SLC25A48: variants seen among roughly 807,000 people sequenced by gnomAD.
SLC25A48 encodes CTC-321K16.1.
In SLC25A48, 29 loss-of-function variants were observed where a neutral mutation model predicts 32.2. That is an observed-to-expected ratio of 0.90 (90% confidence interval 0.67 to 1.23). The LOEUF (loss-of-function observed/expected upper bound fraction) is 1.23. Among genes scored for constraint, SLC25A48 ranks in the 50% most tolerant of loss-of-function variants. SLC25A48 has a pLI of 0.00. For missense variants in SLC25A48, 399 were observed against 422.7 expected (o/e 0.94, Z 0.49); for synonymous variants, 164 against 172.3 (o/e 0.95, Z 0.38).
chr5:135,789,639 G>C (rs1009686732), intron 3 of SLC25A48, among the ~76,000 whole-genome samples: 1 of 151,044 alleles, frequency 6.6e-6, no homozygotes, highest in African/African-American at 2.4e-5. Context: ...GGGGTGTACA[G>C]CCTTTTGCGA....
chr5:135,870,741 A>T (rs1316848859), intron 4 of SLC25A48, among the ~76,000 whole-genome samples: 2 of 152,192 alleles, frequency 1.3e-5, no homozygotes, highest in East Asian at 1.9e-4. Flanking sequence ...ACAATGTTCA[A>T]ATCACCATGC....
intron 4 of SLC25A48, 86 bp downstream of exon 4, chr5:135,852,907 C>T (rs1760016676): frequency 2.0e-6 from 3 of 1,483,232 alleles, no homozygotes; most frequent in Admixed American, 4.8e-5. Context: ...TTGTTAAAAT[C>T]CTTTTATTGA....
At chr5:135,662,682 A>T (rs1490178474) in intron 3 of SLC25A48, among the ~76,000 whole-genome samples, 1 of 116,156 alleles carries the variant, frequency 8.6e-6, no homozygotes, top group Non-Finnish European at 1.9e-5. Flanking sequence ...GCCGTCTTGC[A>T]GCTTTTGACC....
intron 3 of SLC25A48, among the ~76,000 whole-genome samples, chr5:135,782,450 G>A (rs73789162): frequency 0.014 from 1,676 of 116,904 alleles, 253 homozygotes; most frequent in African/African-American, 0.041. Flanking sequence ...TCAGATATCC[G>A]AGCAGGGGGA....
intron 3 of SLC25A48, among the ~76,000 whole-genome samples, chr5:135,744,380 T>C (rs956159439): frequency 6.6e-6 from 1 of 151,958 alleles, no homozygotes; most frequent in Non-Finnish European, 1.5e-5. Context: ...AGACAGGGTC[T>C]CACTCTGTCA....
At chr5:135,698,114 G>T (rs189587323) in intron 3 of SLC25A48, among the ~76,000 whole-genome samples, 200 of 152,324 alleles carry the variant, frequency 1.3e-3, no homozygotes, top group Non-Finnish European at 1.9e-3. Context: ...CTACCAAGTT[G>T]TCAGTGCAGG....
chr5:135,618,506 ATTG>A (rs1398848964), intron 1 of SLC25A48, among the ~76,000 whole-genome samples: 3 of 151,754 alleles, frequency 2.0e-5, no homozygotes, highest in African/African-American at 7.3e-5. Context: ...TTTCTCTCTT[ATTG>A]TTTATCATTG....
At chr5:135,673,665 C>G (rs1753704730) in intron 3 of SLC25A48, among the ~76,000 whole-genome samples, 1 of 151,924 alleles carries the variant, frequency 6.6e-6, no homozygotes, top group African/African-American at 2.4e-5. Flanking sequence ...TGTGGCATGC[C>G]TTTATATTTC....
intron 3 of SLC25A48, among the ~76,000 whole-genome samples, chr5:135,775,844 C>T (rs111925067): frequency 0.014 from 2,058 of 151,604 alleles, 23 homozygotes; most frequent in South Asian, 0.048. Flanking sequence ...GGGGGTTGTA[C>T]GCCCCTTTTG....
intron 3 of SLC25A48, among the ~76,000 whole-genome samples, chr5:135,729,190 G>A (rs1755168823): frequency 6.6e-6 from 1 of 152,032 alleles, no homozygotes; most frequent in African/African-American, 2.4e-5. Context: ...TTGTCACTTA[G>A]GCCCTCTCCA....
intron 4 of SLC25A48, among the ~76,000 whole-genome samples, chr5:135,870,613 A>G (rs186228141): frequency 4.9e-4 from 74 of 152,306 alleles, no homozygotes; most frequent in Non-Finnish European, 8.8e-5. Context: ...TGTTTAGGGC[A>G]CAGCCTGGCC....
At chr5:135,772,914 C>A (rs1756451524) in intron 3 of SLC25A48, among the ~76,000 whole-genome samples, 1 of 148,360 alleles carries the variant, frequency 6.7e-6, no homozygotes, top group Non-Finnish European at 1.5e-5. Context: ...TTTGTAATAT[C>A]CAGAAAAGGA....
intron 1 of SLC25A48, among the ~76,000 whole-genome samples, chr5:135,597,484 C>T (rs1004235299): frequency 3.3e-5 from 5 of 152,234 alleles, no homozygotes; most frequent in African/African-American, 1.2e-4. Flanking sequence ...CAAAACTGCA[C>T]TTGCTCTTGC....
intron 3 of SLC25A48, among the ~76,000 whole-genome samples, chr5:135,766,858 G>A (rs960594512): frequency 6.6e-6 from 1 of 151,816 alleles, no homozygotes; most frequent in Non-Finnish European, 1.5e-5. Flanking sequence ...AATATCCAAG[G>A]AAGGAGAGGG....
At chr5:135,583,640 C>T (rs1050834708) in intron 1 of SLC25A48, among the ~76,000 whole-genome samples, 10 of 151,816 alleles carry the variant, frequency 6.6e-5, no homozygotes, top group African/African-American at 2.4e-4. Context: ...TTAATGTTAG[C>T]CAGCCTCCTG....
intron 3 of SLC25A48, among the ~76,000 whole-genome samples, chr5:135,787,418 T>G (rs961377367): frequency 1.3e-5 from 2 of 152,062 alleles, no homozygotes; most frequent in Non-Finnish European, 2.9e-5. Flanking sequence ...AGGGGGATAT[T>G]ACACCTAATA....
chr5:135,635,122 C>G (rs926971642), intron 3 of SLC25A48, among the ~76,000 whole-genome samples: 1 of 152,212 alleles, frequency 6.6e-6, no homozygotes, highest in African/African-American at 2.4e-5. Context: ...TGTCCTCTGT[C>G]TGCAGGAAAA....
intron 3 of SLC25A48, among the ~76,000 whole-genome samples, chr5:135,675,988 T>C (rs1392081577): frequency 6.6e-6 from 1 of 152,030 alleles, no homozygotes; most frequent in Non-Finnish European, 1.5e-5. Flanking sequence ...ATTGCCTTAT[T>C]GATTTCTTTC....
intron 3 of SLC25A48, among the ~76,000 whole-genome samples, chr5:135,707,518 G>A (rs536833373): frequency 2.0e-5 from 3 of 151,928 alleles, no homozygotes; most frequent in East Asian, 1.9e-4. Context: ...GACTCCCGCC[G>A]CCCCCGCCCT....
Sources: gnomAD v4.1 joint callset for allele counts (sites outside exome capture counted in the v4.1 genomes callset) on GRCh38, gnomAD v4.1.1 for gene constraint, MANE v1.5 for transcripts, NCBI Gene and HGNC (gene_info 2026-07-23, HGNC 2026-07-21) for gene names.